ZNF668: variants seen among roughly 807,000 people sequenced by gnomAD.
ZNF668 encodes the protein zinc finger protein 668.
Under a neutral mutation model 40.3 loss-of-function variants are expected in ZNF668, and 10 were observed. That is an observed-to-expected ratio of 0.25 (90% CI 0.15 to 0.42). The LOEUF is 0.42. ZNF668 is among the 10% of genes least tolerant of loss of function. The pLI is 1.00. For synonymous variants in ZNF668, 428 were observed against 384.6 expected (o/e 1.11, Z -1.32); for missense variants, 749 against 904.6 (o/e 0.83, Z 2.21).
At position 31,061,897 on chromosome 16, in the gene ZNF668, G is replaced by T. The variant is rs1306412271; in HGVS notation, c.1031C>A (p.Thr344Lys). ...RPFKCLQCDK[T>K]FVASWDLKRH... ...CTTGAGGTCCCAGGACGCCACGAAC[G>T]TCTTGTCACATTGCAGGCACTTGAA... Residue 344 changes from threonine to lysine, a missense_variant, in exon 3 of 3, where the codon ACG (threonine) becomes AAG (lysine). Around this residue, in one of 4 missense-constraint regions of ZNF668, gnomAD observed 129 missense variants for 231.2 expected, o/e 0.56. Coordinates refer to ENST00000300849, the MANE Select transcript of ZNF668 (RefSeq NM_024706.5). The surrounding 1 kb of genome is among the most constrained non-coding windows in gnomAD (Gnocchi z 7.7). The T allele has an allele frequency of 6.2e-7, 1 of 1,613,038 alleles. No homozygotes were observed. The highest frequency in any genetic ancestry group is 8.5e-7 in the Non-Finnish European group (1 of 1,179,618).
chr16:31,066,257 T>C, intron 1 of ZNF668: 1 of 985,456 alleles, frequency 1.0e-6, no homozygotes, highest in Non-Finnish European at 1.2e-6. Flanking sequence ...AGGTCCTTCC[T>C]GCTTGTTCCA....
chr16:31,064,705 G>A, intron 1 of ZNF668: 1 of 1,535,046 alleles, frequency 6.5e-7, no homozygotes, highest in Non-Finnish European at 8.7e-7. Context: ...GAGGCTGAGG[G>A]TCACAAAAGA....
intron 1 of ZNF668, among the ~76,000 whole-genome samples, chr16:31,065,816 C>T (rs1000701390): frequency 1.3e-4 from 19 of 151,144 alleles, no homozygotes; most frequent in East Asian, 7.8e-4. Context: ...ATCGTGCCAC[C>T]GCACTCCAGC....
intron 1 of ZNF668, among the ~76,000 whole-genome samples, chr16:31,071,619 A>C (rs2057016004): frequency 6.6e-6 from 1 of 152,198 alleles, no homozygotes; most frequent in South Asian, 2.1e-4. Flanking sequence ...CTAATTTATT[A>C]AAAATTCTTT....
chr16:31,062,138 G>A lies in ZNF668; in HGVS notation c.790C>T (p.Leu264Phe). The part of the protein sequence containing the change: ...CPACGKGFTQ[L>F]SSYQSHERTH... ...CGCTCGTGGCTCTGGTAGGAACTGAGCTGCGTGAAGCCCTTGCCGCAGGCC... is the reference window on the plus strand; with the variant it reads ...CGCTCGTGGCTCTGGTAGGAACTGAACTGCGTGAAGCCCTTGCCGCAGGCC... Residue 264 changes from leucine (L) to phenylalanine (F), a missense_variant, in exon 3 of 3, where the codon CTC becomes TTC. Physicochemically the swap from Leu to Phe is conservative, Grantham distance 22 (BLOSUM62 0). Transcript: ENST00000300849. 6.2e-7 allele frequency: 1 copy of A among 1,613,928 alleles called. No individual in the cohort carries two copies. Among genetic ancestry groups the A allele is most frequent in the Non-Finnish European group, 8.5e-7 (1 of 1,179,896 alleles).
chr16:31,069,850 C>T (rs1044620322), intron 1 of ZNF668, among the ~76,000 whole-genome samples: 3 of 130,776 alleles, frequency 2.3e-5, no homozygotes, highest in Non-Finnish European at 4.7e-5. Flanking sequence ...TCCTGGCTCA[C>T]TGCAAGCTCC....
At chr16:31,066,116 G>A (rs189602548) in intron 1 of ZNF668, 9 of 985,394 alleles carry the variant, frequency 9.1e-6, no homozygotes, top group East Asian at 1.1e-4. Context: ...CTGAAATCCC[G>A]GCCTCAGGCC....
At position 31,061,629 on chromosome 16, in the gene ZNF668, C is replaced by A. The variant is rs781220516; in HGVS notation, c.1299G>T (p.Ala433=). ...PPAQELVVGL[A]LPVGVAGESS... ...TCTCACCTGCCACGCCCACAGGCAG[C>A]GCCAACCCCACCACCAGCTCCTGTG... The change falls in exon 3 of 3, where the codon GCG becomes GCT. Residue 433 remains alanine (A), a synonymous_variant. Transcript: ENST00000300849. The surrounding 1 kb of genome is among the most constrained non-coding windows in gnomAD (Gnocchi z 7.7). 1.9e-6 allele frequency: 3 copies of A among 1,611,260 alleles called. No homozygotes were observed. Among genetic ancestry groups the A allele is most frequent in the African/African-American group, 1.3e-5 (1 of 74,936 alleles).
chr16:31,061,866 G>A lies in ZNF668; in HGVS notation c.1062C>T (p.His354=), dbSNP rs995282997. ...TFVASWDLKR[H]ALVHSGQRPF... ...GCCGCTGGCCAGAGTGCACCAGCGC[G>A]TGCCGCTTGAGGTCCCAGGACGCCA... The change falls in exon 3 of 3, where the codon CAC becomes CAT. Residue 354 remains histidine (H), a synonymous_variant. Transcript: ENST00000300849. The surrounding 1 kb of genome is among the most constrained non-coding windows in gnomAD (Gnocchi z 7.7). The A allele has an allele frequency of 4.3e-6, 7 of 1,612,786 alleles. No homozygotes were observed. The African/African-American group carries it at 6.7e-5, about 15-fold the overall frequency.
chr16:31,064,703 G>A (rs2056968862), intron 1 of ZNF668: 2 of 1,535,166 alleles, frequency 1.3e-6, no homozygotes, highest in African/African-American at 2.7e-5. Flanking sequence ...AGGAGGCTGA[G>A]GGTCACAAAA....
At chr16:31,067,564 C>CA (rs1391040573) in intron 1 of ZNF668, among the ~76,000 whole-genome samples, 3 of 152,292 alleles carry the variant, frequency 2.0e-5, no homozygotes, top group Non-Finnish European at 4.4e-5. Context: ...ACTTACCTGA[C>CA]AGAGTTGGGT....
intron 1 of ZNF668, among the ~76,000 whole-genome samples, chr16:31,068,264 A>ATATATATG (rs759680502): frequency 0.034 from 3,748 of 110,928 alleles, 166 homozygotes; most frequent in Non-Finnish European, 0.057. Context: ...ATATATATAT[A>ATATATATG]TAATTTTTGA....
intron 1 of ZNF668, chr16:31,066,400 C>A: frequency 1.0e-6 from 1 of 984,444 alleles, no homozygotes; most frequent in Non-Finnish European, 1.2e-6. Context: ...CCCACTAAAT[C>A]CTAGGGCTTA....
intron 2 of ZNF668, among the ~76,000 whole-genome samples, chr16:31,063,283 T>C (rs1456817660): frequency 1.3e-5 from 2 of 152,030 alleles, no homozygotes; most frequent in Non-Finnish European, 1.5e-5. Context: ...GAAGTGTACA[T>C]CCCCACGCTC....
chr16:31,073,033 T>G (rs2057028475), intron 1 of ZNF668: 1 of 152,090 alleles, frequency 6.6e-6, no homozygotes, highest in Admixed American at 6.6e-5. Flanking sequence ...CGGTGGGGCC[T>G]ACGAAGCGCG....
rs770473058 is a variant in ZNF668, at chr16:31,062,091, G to A, written c.837C>T (p.Pro279=). ...TGCGGCCGCAGCGCGGGCACAGGAAGGGCTTCTCCCCCGAGTGCGTGCGCT... is the reference window on the plus strand; with the variant it reads ...TGCGGCCGCAGCGCGGGCACAGGAAAGGCTTCTCCCCCGAGTGCGTGCGCT... ...SHERTHSGEK[P]FLCPRCGRMF... The change falls in exon 3 of 3, where the codon CCC becomes CCT. Residue 279 remains proline (P), a synonymous_variant. Transcript: ENST00000300849. 6.2e-7 allele frequency: 1 copy of A among 1,613,764 alleles called. No homozygotes were observed. Among genetic ancestry groups the A allele is most frequent in the South Asian group, 1.1e-5 (1 of 91,046 alleles).
At position 31,073,864 on chromosome 16, in the gene ZNF668, G is replaced by GAAGC. The variant is rs2057040202; in HGVS notation, c.-232_-229dup. The GAAGC allele has an allele frequency of 6.6e-6, 1 of 152,234 alleles. No individual in the cohort carries two copies. Among genetic ancestry groups the GAAGC allele is most frequent in the Non-Finnish European group, 1.5e-5 (1 of 68,052 alleles). The allele number at this position is 152,234 out of a possible 1,614,324, so 9.4% of individuals were successfully genotyped here. Reference sequence around the variant, plus strand: ...GGAACCTCCAGCCTATGGCGGCAGAGAAGCATCTTGCAAGAGGTCTCTGTG... The same window carrying GAAGC: ...GGAACCTCCAGCCTATGGCGGCAGAGAAGCAAGCATCTTGCAAGAGGTCTCTGTG... On this transcript the variant is annotated 5_prime_UTR_variant, in exon 1 of 3. It introduces an in-frame stop codon into an upstream open reading frame of the 5' UTR. Transcript: ENST00000300849.
In ZNF668 at chr16:31,061,860, C is replaced by T. The variant is rs1567398158; in HGVS notation, c.1068G>A (p.Leu356=). 2 of 1,612,828 alleles carry T rather than the reference C, an allele frequency of 1.2e-6. No individual in the cohort carries two copies. The highest frequency in any genetic ancestry group is 1.7e-5 in the Admixed American group (1 of 59,980). Residue 356 remains leucine, a synonymous_variant, in exon 3 of 3, where the codon CTG becomes CTA. Transcript: ENST00000300849. The surrounding 1 kb of genome is among the most constrained non-coding windows in gnomAD (Gnocchi z 7.7). ...GGAAGGGCCGCTGGCCAGAGTGCAC[C>T]AGCGCGTGCCGCTTGAGGTCCCAGG... ...VASWDLKRHA[L]VHSGQRPFRC...
At position 31,064,336 on chromosome 16, in the gene ZNF668, C is replaced by T. The variant is rs776002892; in HGVS notation, c.124G>A (p.Ala42Thr). 8 of 1,613,982 alleles carry T rather than the reference C, an allele frequency of 5.0e-6. No homozygotes were observed. ...PNAPRAARHA[A>T]THGPADCSEE... is the part of the protein sequence containing the mutation. ...GAGCAGTCTGCCGGCCCATGTGTGG[C>T]AGCGTGGCGCGCTGCCCTGGGCGCG... The change falls in exon 2 of 3, where the codon GCC becomes ACC. Residue 42 changes from alanine (A) to threonine (T), a missense_variant. Transcript: ENST00000300849.
Sources: allele counts gnomAD v4.1 joint callset (sites outside exome capture counted in the v4.1 genomes callset), GRCh38; gene constraint gnomAD v4.1.1; regional missense constraint gnomAD v4.1.1; non-coding constraint Gnocchi (gnomAD v3.1); transcripts MANE v1.5; gene names NCBI Gene and HGNC (gene_info 2026-07-23, HGNC 2026-07-21).